The following SPOCK1 variants were observed in gnomAD, a reference collection of about 807,000 sequenced individuals.
SPOCK1 encodes SPARC (osteonectin), cwcv and kazal like domains proteoglycan 1.
Under a neutral mutation model 55.3 loss-of-function variants are expected in SPOCK1, and 23 were observed. The observed-to-expected ratio is 0.42, with a 90% CI of 0.30 to 0.59. The LOEUF is 0.59. Among genes scored for constraint, SPOCK1 ranks in the 20% least tolerant of loss-of-function variants. The probability of loss-of-function intolerance (pLI) is 0.22; values close to 1 mark genes in which losing one functional copy is unlikely to be tolerated. For synonymous variants in SPOCK1, 226 were observed against 221.0 expected (o/e 1.02, Z -0.20); for missense variants, 499 against 552.5 (o/e 0.90, Z 0.97).
rs146109928 is a variant in SPOCK1 at position 137,005,019 on chromosome 5, A to C, written c.590-12419T>G. ...GATCTCAGAGAGCATCTACAAAATTATTCTTCTTGTAGGCAAGAGGCTTGC... is the reference window on the plus strand; with the variant it reads ...GATCTCAGAGAGCATCTACAAAATTCTTCTTCTTGTAGGCAAGAGGCTTGC... On this transcript the variant is annotated intron_variant, in intron 6 of 10. Transcript: ENST00000394945. Among the ~76,000 whole-genome samples, 974 of 152,354 alleles carry C rather than the reference A, an allele frequency of 6.4e-3. 8 individuals carry two copies. Among genetic ancestry groups the C allele is most frequent in the African/African-American group, 0.022 (933 of 41,584 alleles).
chr5:137,491,780 T>C lies in SPOCK1; in HGVS notation c.186+6593A>G, dbSNP rs572492852. ...AGGTTTGCTCAGGAGGCAATTCAAG[T>C]CAACAAAATGCTTATTGGCCACCTG... On this transcript the variant is annotated intron_variant, in intron 2 of 10. Coordinates refer to ENST00000394945, the MANE Select transcript of SPOCK1 (RefSeq NM_004598.4). Among the ~76,000 whole-genome samples, 74 of 152,312 alleles carry C rather than the reference T, an allele frequency of 4.9e-4. 2 individuals carry two copies. The South Asian group carries it at 0.015, about 30-fold the overall frequency.
At chr5:137,143,943 T>C (rs1156425319) in intron 3 of SPOCK1, among the ~76,000 whole-genome samples, 1 of 152,198 alleles carries the variant, frequency 6.6e-6, no homozygotes, top group African/African-American at 2.4e-5. Flanking sequence ...TACTATCTTC[T>C]TTAAAAAGCT....
intron 6 of SPOCK1, among the ~76,000 whole-genome samples, chr5:137,022,698 C>G (rs1004836805): frequency 6.6e-6 from 1 of 152,156 alleles, no homozygotes; most frequent in Non-Finnish European, 1.5e-5. Flanking sequence ...TTACATGTCT[C>G]AAGGTTTTTT....
intron 4 of SPOCK1, among the ~76,000 whole-genome samples, chr5:137,116,742 C>G (rs530812863): frequency 1.5e-4 from 23 of 152,270 alleles, no homozygotes; most frequent in Admixed American, 4.6e-4. Flanking sequence ...TCACAGGCTC[C>G]CTGTCTACCT....
intron 3 of SPOCK1, 65 bp downstream of exon 3, chr5:137,266,945 C>T: frequency 6.9e-7 from 1 of 1,450,486 alleles, no homozygotes; most frequent in South Asian, 1.2e-5. Flanking sequence ...ACTCAGCATG[C>T]AAGGAAGGAA....
At chr5:137,132,128 T>C (rs1367601645) in intron 4 of SPOCK1, among the ~76,000 whole-genome samples, 3 of 132,792 alleles carry the variant, frequency 2.3e-5, no homozygotes, top group Non-Finnish European at 3.1e-5. Context: ...TGAGCAGATA[T>C]AGTGCCACTG....
intron 6 of SPOCK1, among the ~76,000 whole-genome samples, chr5:137,063,567 C>A (rs927337208): frequency 6.6e-6 from 1 of 152,194 alleles, no homozygotes; most frequent in East Asian, 1.9e-4. Flanking sequence ...CTCATACATC[C>A]TCCACACTGA....
chr5:137,425,665 C>T (rs569482852), intron 2 of SPOCK1, among the ~76,000 whole-genome samples: 2 of 152,324 alleles, frequency 1.3e-5, no homozygotes, highest in Non-Finnish European at 2.9e-5. Flanking sequence ...CTGGGACCTG[C>T]TTACCTCTAT....
intron 3 of SPOCK1, among the ~76,000 whole-genome samples, chr5:137,192,683 A>C (rs140015136): frequency 2.4e-4 from 36 of 152,334 alleles, no homozygotes; most frequent in African/African-American, 7.7e-4. Flanking sequence ...CTATCAACAG[A>C]AAGATGGACA....
intron 3 of SPOCK1, among the ~76,000 whole-genome samples, chr5:137,211,667 G>A (rs1274497060): frequency 6.6e-6 from 1 of 152,132 alleles, no homozygotes; most frequent in African/African-American, 2.4e-5. Context: ...TGAATAGAGG[G>A]TTGGGACTTT....
At chr5:137,031,035 A>C (rs1047328215) in intron 6 of SPOCK1, among the ~76,000 whole-genome samples, 8 of 152,234 alleles carry the variant, frequency 5.3e-5, no homozygotes, top group Non-Finnish European at 1.2e-4. Flanking sequence ...ACATTAAAAT[A>C]ATTAATATTT....
intron 2 of SPOCK1, among the ~76,000 whole-genome samples, chr5:137,440,769 T>C (rs547108439): frequency 6.6e-6 from 1 of 152,354 alleles, no homozygotes; most frequent in East Asian, 1.9e-4. Flanking sequence ...CTGCCAGTTT[T>C]ATTTTTTCCC....
chr5:137,295,392 C>G (rs1328720179), intron 2 of SPOCK1, among the ~76,000 whole-genome samples: 1 of 152,214 alleles, frequency 6.6e-6, no homozygotes, highest in Non-Finnish European at 1.5e-5. Context: ...AGCTCTACCA[C>G]CAGCAGCACA....
chr5:137,331,402 T>C (rs1758178319), intron 2 of SPOCK1, among the ~76,000 whole-genome samples: 1 of 152,108 alleles, frequency 6.6e-6, no homozygotes. Context: ...AATCAGACCC[T>C]CACTAGGGCC....
intron 2 of SPOCK1, among the ~76,000 whole-genome samples, chr5:137,304,786 G>A (rs1757675229): frequency 6.6e-6 from 1 of 152,164 alleles, no homozygotes; most frequent in Admixed American, 6.5e-5. Flanking sequence ...GCTCTACCGT[G>A]AGTGGCTGTG....
At chr5:137,385,833 A>T (rs1284514920) in intron 2 of SPOCK1, among the ~76,000 whole-genome samples, 5 of 152,246 alleles carry the variant, frequency 3.3e-5, no homozygotes, top group Admixed American at 3.3e-4. Flanking sequence ...GTTCTTGAGC[A>T]GGGATCAGAA....
intron 4 of SPOCK1, among the ~76,000 whole-genome samples, chr5:137,115,911 T>C (rs1411614895): frequency 6.6e-6 from 1 of 152,216 alleles, no homozygotes; most frequent in Non-Finnish European, 1.5e-5. Flanking sequence ...ACTAAAATTT[T>C]TAATCAAGAT....
intron 3 of SPOCK1, among the ~76,000 whole-genome samples, chr5:137,141,027 T>C (rs1754086468): frequency 1.3e-5 from 2 of 152,168 alleles, no homozygotes; most frequent in African/African-American, 4.8e-5. Context: ...CCCAAAGTGC[T>C]GGGATTACAG....
At chr5:137,338,795 T>G (rs1472221634) in intron 2 of SPOCK1, among the ~76,000 whole-genome samples, 1 of 152,128 alleles carries the variant, frequency 6.6e-6, no homozygotes, top group Non-Finnish European at 1.5e-5. Flanking sequence ...TTTCATGTGT[T>G]TTTTGGCCGC....
Sources: gnomAD v4.1 joint callset for allele counts (sites outside exome capture counted in the v4.1 genomes callset) on GRCh38, gnomAD v4.1.1 for gene constraint, MANE v1.5 for transcripts, NCBI Gene and HGNC (gene_info 2026-07-23, HGNC 2026-07-21) for gene names.